The following POU2F1 variants were observed in gnomAD, a reference collection of about 807,000 sequenced individuals.
POU2F1 encodes POU domain, class 2, transcription factor 1.
A neutral mutation model predicts 84.9 loss-of-function variants in POU2F1; 16 were observed. The ratio of observed to expected loss-of-function variants is 0.19; its 90% CI spans 0.13 to 0.29. The LOEUF (loss-of-function observed/expected upper bound fraction) is 0.29, where lower values mean the gene tolerates loss of function less well. POU2F1 is among the 10% of genes least tolerant of loss of function. The probability of loss-of-function intolerance (pLI) is 1.00; values close to 1 mark genes in which losing one functional copy is unlikely to be tolerated. For missense variants in POU2F1, 738 were observed against 942.6 expected, an observed-to-expected ratio of 0.78 and a Z score of 2.84; for synonymous variants, 368 against 368.3, an observed-to-expected ratio of 1.00 and a Z score of 0.01.
intron 2 of POU2F1, among the ~76,000 whole-genome samples, chr1:167,348,034 A>G (rs1316981674): frequency 1.3e-5 from 2 of 152,032 alleles, no homozygotes; most frequent in Admixed American, 1.3e-4. Context: ...ACTTGTTTTC[A>G]TTTATTTTGG....
At chr1:167,224,370 G>C (rs2102321520) in intron 1 of POU2F1, among the ~76,000 whole-genome samples, 1 of 152,196 alleles carries the variant, frequency 6.6e-6, no homozygotes, top group African/African-American at 2.4e-5. Flanking sequence ...TGAGAATGAG[G>C]GCTGTGTATT....
At position 167,410,747 on chromosome 1, in the gene POU2F1, C is replaced by T. The variant is rs184916730; in HGVS notation, c.1556-1212C>T. Among the ~76,000 whole-genome samples the T allele has an allele frequency of 3.5e-3, 535 of 152,178 alleles. 1 individual carries two copies. The highest frequency in any genetic ancestry group is 0.012 in the African/African-American group (512 of 41,518). On this transcript the variant is annotated intron_variant, in intron 13 of 15. Transcript: ENST00000367866. ...GCCAGGCTGGTTTCGAGCTCCTGACCTCAAATGATCCACTCACCTCAGCCT... is the reference window on the plus strand; with the variant it reads ...GCCAGGCTGGTTTCGAGCTCCTGACTTCAAATGATCCACTCACCTCAGCCT...
At chr1:167,324,721 C>T (rs943785448) in intron 1 of POU2F1, among the ~76,000 whole-genome samples, 1 of 152,150 alleles carries the variant, frequency 6.6e-6, no homozygotes, top group Non-Finnish European at 1.5e-5. Flanking sequence ...TTAACTAGGC[C>T]TCAGTTTACT....
rs1250621576 is a variant in POU2F1 at position 167,321,521 on chromosome 1, TTTTC to T, written c.62-10946_62-10943del. Among the ~76,000 whole-genome samples, 5 of 152,308 alleles carry T rather than the reference TTTTC, an allele frequency of 3.3e-5. No individual in the cohort carries two copies. The East Asian group carries it at 9.6e-4, about 29-fold the overall frequency. ...GTCAACATTCTCCATTTACCTCATT[TTTTC>T]TTAATAACAAAGACTGGAGAATTCT... On this transcript the variant is annotated intron_variant, in intron 1 of 15. Transcript: ENST00000367866.
chr1:167,304,483 C>A (rs1358308438), intron 1 of POU2F1, among the ~76,000 whole-genome samples: 1 of 151,986 alleles, frequency 6.6e-6, no homozygotes, highest in African/African-American at 2.4e-5. Flanking sequence ...TTTTTTTAAA[C>A]GAAAATTTAT....
At position 167,365,422 on chromosome 1, in the gene POU2F1, C is replaced by A. The variant is rs761125397; in HGVS notation, c.128-45C>A. On this transcript the variant is annotated intron_variant, in intron 2 of 15. Transcript: ENST00000367866. The stretch of plus-strand genomic sequence containing the variant: ...GTAACTGAAATCTAGTGCTTTATTT[C>A]ATTTATTTCTTTTAATAGTTGAAAT... The A allele has an allele frequency of 3.6e-6, 5 of 1,407,914 alleles. No individual in the cohort carries two copies. In the East Asian group the frequency reaches 1.3e-4, roughly 35 times the overall value. 87.2% of individuals were successfully genotyped at this position (1,407,914 alleles called of 1,614,324 possible).
At chr1:167,267,628 GTCTTTTTTTTTTTT>G (rs1215028956) in intron 1 of POU2F1, among the ~76,000 whole-genome samples, 2 of 61,264 alleles carry the variant, frequency 3.3e-5, no homozygotes, top group African/African-American at 1.2e-4. Context: ...CAGTTACTGT[GTCTTTTTTTTTTTT>G]TTTTTTTTTT....
At chr1:167,283,055 A>G (rs965561518) in intron 1 of POU2F1, among the ~76,000 whole-genome samples, 6 of 152,206 alleles carry the variant, frequency 3.9e-5, no homozygotes, top group African/African-American at 1.4e-4. Flanking sequence ...ACCTATTACT[A>G]TCTTGTGTAT....
At chr1:167,335,450 G>A (rs1161790267) in intron 2 of POU2F1, among the ~76,000 whole-genome samples, 2 of 152,122 alleles carry the variant, frequency 1.3e-5, no homozygotes, top group Non-Finnish European at 2.9e-5. Flanking sequence ...AACCAAGGTA[G>A]GGGTGAAGGT....
intron 2 of POU2F1, 24 bp from the exon 3 acceptor site, chr1:167,365,443 G>C: frequency 6.7e-7 from 1 of 1,502,648 alleles, no homozygotes; most frequent in Non-Finnish European, 9.0e-7. Flanking sequence ...TTTAATAGTT[G>C]AAATTATTTT....
At chr1:167,289,970 A>G (rs1049195540) in intron 1 of POU2F1, among the ~76,000 whole-genome samples, 1 of 152,264 alleles carries the variant, frequency 6.6e-6, no homozygotes, top group Non-Finnish European at 1.5e-5. Flanking sequence ...AGAGACTTCA[A>G]AAGCAGTATC....
chr1:167,221,024 G>C (rs1446484349), intron 1 of POU2F1, 66 bp downstream of exon 1: 2 of 1,315,418 alleles, frequency 1.5e-6, no homozygotes, highest in Non-Finnish European at 1.1e-6. Flanking sequence ...GCCCCCCCCC[G>C]CGACTTAGCA....
At chr1:167,285,835 G>A (rs539825948) in intron 1 of POU2F1, among the ~76,000 whole-genome samples, 1 of 152,272 alleles carries the variant, frequency 6.6e-6, no homozygotes, top group African/African-American at 2.4e-5. Flanking sequence ...AGGTTGTTCC[G>A]AGTAAGCTTC....
chr1:167,338,128 C>T (rs1657593635), intron 2 of POU2F1: 1 of 465,118 alleles, frequency 2.1e-6, no homozygotes, highest in African/African-American at 2.0e-5. Context: ...CCTCTCCTGC[C>T]TCCCCTTCCA....
At chr1:167,279,510 TAGAAC>T (rs1287306829) in intron 1 of POU2F1, among the ~76,000 whole-genome samples, 2 of 152,166 alleles carry the variant, frequency 1.3e-5, no homozygotes, top group African/African-American at 2.4e-5. Context: ...AGTTATGACT[TAGAAC>T]AGAGGAAAAA....
In POU2F1 at chr1:167,425,269, A is replaced by G. The variant is rs1462008660; in HGVS notation, c.*9459A>G. Reference sequence around the variant, plus strand: ...TTTTGTTTTTCAAATTTCCAGCCAAAACCAAAGATTTCTTAATGATTGTAT... The same window carrying G: ...TTTTGTTTTTCAAATTTCCAGCCAAGACCAAAGATTTCTTAATGATTGTAT... On this transcript the variant is annotated 3_prime_UTR_variant, in exon 16 of 16. Transcript: ENST00000367866. The G allele has an allele frequency of 6.6e-6, 1 of 152,024 alleles. No homozygotes were observed. The highest frequency in any genetic ancestry group is 6.6e-5 in the Admixed American group (1 of 15,256). The allele number at this position is 152,024 out of a possible 1,614,324, so 9.4% of individuals were successfully genotyped here.
intron 1 of POU2F1, among the ~76,000 whole-genome samples, chr1:167,284,741 A>T (rs996704348): frequency 1.3e-5 from 2 of 152,168 alleles, no homozygotes; most frequent in African/African-American, 4.8e-5. Flanking sequence ...ACTTGTTTCT[A>T]GTCTTGTAAA....
chr1:167,321,390 A>C (rs115132658), intron 1 of POU2F1, among the ~76,000 whole-genome samples: 1,534 of 152,336 alleles, frequency 0.01, 11 homozygotes, highest in Non-Finnish European at 0.015. Flanking sequence ...AGTCTTTTAA[A>C]TCTATGACTA....
rs140139213 is a variant in POU2F1, at chr1:167,393,835, T to TTA, written c.988-2446_988-2445dup. 2.3e-3 allele frequency among the ~76,000 whole-genome samples: 343 copies of TTA among 152,336 alleles called. 9 individuals carry two copies. The East Asian group carries it at 0.061, about 27-fold the overall frequency. ...ATTGCCATCTAACTGCTACATAAGT[T>TTA]TATATACTCAAAGAATTGCAAGGTT... On this transcript the variant is annotated intron_variant, in intron 9 of 15. Coordinates refer to ENST00000367866, the MANE Select transcript of POU2F1 (RefSeq NM_002697.4).
Sources: gnomAD v4.1 joint callset for allele counts (sites outside exome capture counted in the v4.1 genomes callset) on GRCh38, gnomAD v4.1.1 for gene constraint, MANE v1.5 for transcripts, NCBI Gene and HGNC (gene_info 2026-07-23, HGNC 2026-07-21) for gene names.